The following LRIG3 variants were observed in gnomAD, a reference collection of about 807,000 sequenced individuals.
LRIG3 encodes leucine-rich repeats and immunoglobulin-like domains protein 3.
Under a neutral mutation model 114.5 loss-of-function variants are expected in LRIG3, and 76 were observed. That is an observed-to-expected ratio of 0.66 (90% CI 0.55 to 0.80). LRIG3 has a LOEUF of 0.80. Among genes scored for constraint, LRIG3 ranks in the 30% least tolerant of loss-of-function variants. The pLI is 0.00. For synonymous variants in LRIG3, 512 were observed against 519.8 expected (o/e 0.98, Z 0.20); for missense variants, 1,239 against 1,382.8 (o/e 0.90, Z 1.65).
chr12:58,886,679 A>C (rs1871285685), intron 9 of LRIG3, 131 bp downstream of exon 9: 1 of 665,672 alleles, frequency 1.5e-6, no homozygotes, highest in East Asian at 2.7e-5. Flanking sequence ...TGGGGAGAGG[A>C]TCAAGGGTGG....
At position 58,874,258 on chromosome 12, in the gene LRIG3, T is replaced by C. The variant is rs1870835652; in HGVS notation, c.2912A>G (p.Tyr971Cys). 6.2e-7 allele frequency: 1 copy of C among 1,613,976 alleles called. No individual in the cohort carries two copies. Among genetic ancestry groups the C allele is most frequent in the African/African-American group, 1.3e-5 (1 of 74,904 alleles). The change falls in exon 18 of 19, where the codon TAC becomes TGC. Residue 971 changes from tyrosine to cysteine, a missense_variant. Transcript: ENST00000320743. The part of the protein sequence containing the change: ...EPSYIKKKEC[Y>C]PCSHPSEESC... ...TTCTTCTGAAGGATGAGAACATGGGTAGCACTCCTTTTTCTTTATGTAACT... is the reference window on the plus strand; with the variant it reads ...TTCTTCTGAAGGATGAGAACATGGGCAGCACTCCTTTTTCTTTATGTAACT...
rs766408509 is a variant in LRIG3, at chr12:58,872,797, G to A, written c.3135C>T (p.Leu1045=). 6.2e-7 allele frequency: 1 copy of A among 1,612,664 alleles called. No homozygotes were observed. The highest frequency in any genetic ancestry group is 8.5e-7 in the Non-Finnish European group (1 of 1,179,028). Residue 1045 remains leucine (L), a synonymous_variant, in exon 19 of 19, where the codon CTC becomes CTT. Transcript: ENST00000320743. ...AATAGGCATCTAGGTGAGGTCTCCT[G>A]AGAGCTTTTCCAAAGGTACCTGAAA... The part of the protein sequence containing the change: ...NSFMGTFGKA[L]RRPHLDAYSS...
intron 1 of LRIG3, 62 bp downstream of exon 1, chr12:58,919,938 G>A (rs1294199884): frequency 6.9e-6 from 10 of 1,459,080 alleles, no homozygotes; most frequent in Non-Finnish European, 8.4e-6. Flanking sequence ...TTCCCCGCCG[G>A]CTCCTGTTTT....
intron 10 of LRIG3, 105 bp from the exon 11 acceptor site, chr12:58,883,696 T>C: frequency 1.5e-6 from 1 of 648,472 alleles, no homozygotes. Context: ...AAACAAATAC[T>C]CCCTCTATGT....
At position 58,895,837 on chromosome 12, in the gene LRIG3, G is replaced by T. The variant is rs141364631; in HGVS notation, c.384-5041C>A. 8.9e-4 allele frequency among the ~76,000 whole-genome samples: 136 copies of T among 152,230 alleles called. 1 individual carries two copies. The highest frequency in any genetic ancestry group is 3.4e-3 in the Middle Eastern group (1 of 294). ...TGACGAGCGACCTTGATGCCCACTT[G>T]GGGGGCGAAACATCACACTTCCTCT... On this transcript the variant is annotated intron_variant, in intron 3 of 18. Transcript: ENST00000320743.
chr12:58,883,703 A>C, intron 10 of LRIG3, 112 bp from the exon 11 acceptor site: 1 of 585,080 alleles, frequency 1.7e-6, no homozygotes, highest in Non-Finnish European at 2.9e-6. Flanking sequence ...TACTCCCTCT[A>C]TGTGTCAAAT....
At chr12:58,910,325 C>T (rs941546352) in intron 3 of LRIG3, among the ~76,000 whole-genome samples, 3 of 152,134 alleles carry the variant, frequency 2.0e-5, no homozygotes, top group African/African-American at 4.8e-5. Flanking sequence ...TAACCAGCAC[C>T]CTGGCAGGGC....
At chr12:58,901,586 C>T (rs1871850741) in intron 3 of LRIG3, among the ~76,000 whole-genome samples, 1 of 152,162 alleles carries the variant, frequency 6.6e-6, no homozygotes, top group African/African-American at 2.4e-5. Flanking sequence ...CAGAACATTT[C>T]CATCACTGCA....
chr12:58,906,777 A>G (rs538676991), intron 3 of LRIG3, among the ~76,000 whole-genome samples: 17 of 152,294 alleles, frequency 1.1e-4, no homozygotes, highest in South Asian at 8.3e-4. Flanking sequence ...TCAATGGAAA[A>G]GAGGCATTTG....
chr12:58,875,855 C>T (rs1017872305), intron 16 of LRIG3, among the ~76,000 whole-genome samples: 1 of 152,182 alleles, frequency 6.6e-6, no homozygotes, highest in African/African-American at 2.4e-5. Context: ...GCCTGGCCAA[C>T]ATGGCAAAAC....
chr12:58,912,434 T>C (rs186793658), intron 3 of LRIG3, among the ~76,000 whole-genome samples: 24 of 152,120 alleles, frequency 1.6e-4, no homozygotes, highest in African/African-American at 5.1e-4. Flanking sequence ...AGGCGGAGCT[T>C]ACAGTGAGCC....
At chr12:58,886,931 A>G in intron 8 of LRIG3, 41 bp from the exon 9 acceptor site, 1 of 1,536,554 alleles carries the variant, frequency 6.5e-7, no homozygotes, top group Non-Finnish European at 9.0e-7. Flanking sequence ...TGATAAGCTC[A>G]GAAAGCCTAG....
chr12:58,878,121 AG>A (rs960862933), intron 14 of LRIG3, among the ~76,000 whole-genome samples: 2 of 152,060 alleles, frequency 1.3e-5, no homozygotes, highest in Admixed American at 6.6e-5. Context: ...AGCTGGTAGT[AG>A]GGGGGGAGAG....
chr12:58,879,492 T>G (rs931685771), intron 13 of LRIG3, among the ~76,000 whole-genome samples: 6 of 152,176 alleles, frequency 3.9e-5, no homozygotes, highest in Non-Finnish European at 8.8e-5. Context: ...TCCTGGTAGC[T>G]CTAACATTCT....
At chr12:58,893,972 T>TGGGGAGGC (rs1871545919) in intron 3 of LRIG3, among the ~76,000 whole-genome samples, 1 of 151,704 alleles carries the variant, frequency 6.6e-6, no homozygotes. Flanking sequence ...TAGTTGGGGG[T>TGGGGAGGC]GGGGAGGCAG....
At position 58,872,573 on chromosome 12, in the gene LRIG3, T is replaced by A; in HGVS notation, c.3359A>T (p.Ter1120LeuextTer3). 2.5e-6 allele frequency: 4 copies of A among 1,611,108 alleles called. No homozygotes were observed. Among genetic ancestry groups the A allele is most frequent in the African/African-American group, 1.3e-5 (1 of 74,854 alleles). ...GCTTTTCCTTTGGTCTCATTCAGTC[T>A]ATGTGTCCAAGTCATAAGACTGAAA... ...PNFQSYDLDT[*>L] The change falls in exon 19 of 19, where the codon TAG (stop) becomes TTG (leucine). Residue 1120 changes from the stop codon to leucine, a stop_lost. Coordinates refer to ENST00000320743, the MANE Select transcript of LRIG3 (RefSeq NM_153377.5).
chr12:58,917,460 T>C (rs912386388), intron 1 of LRIG3, among the ~76,000 whole-genome samples: 1 of 152,214 alleles, frequency 6.6e-6, no homozygotes, highest in Admixed American at 6.5e-5. Flanking sequence ...GCGTAGTTAC[T>C]GGGTTGTTTT....
chr12:58,919,424 T>TGG lies in LRIG3; in HGVS notation c.236+575_236+576insCC, dbSNP rs1565626432. On this transcript the variant is annotated intron_variant, in intron 1 of 18. Transcript: ENST00000320743. The stretch of plus-strand genomic sequence containing the variant: ...ACAATCTGGTTGAGGAGTGGGAACT[T>TGG]ACGGTCTGCTAATGTGAAAAAGCAA... The TGG allele has an allele frequency of 3.2e-6, 5 of 1,551,582 alleles. No individual in the cohort carries two copies. The South Asian group carries it at 5.9e-5, about 18-fold the overall frequency.
At chr12:58,896,849 A>C (rs540709994) in intron 3 of LRIG3, among the ~76,000 whole-genome samples, 164 of 152,342 alleles carry the variant, frequency 1.1e-3, no homozygotes, top group Non-Finnish European at 1.9e-3. Flanking sequence ...GCCCCAAGGA[A>C]ATACTAATTT....
Sources: gnomAD v4.1 joint callset for allele counts (sites outside exome capture counted in the v4.1 genomes callset) on GRCh38, gnomAD v4.1.1 for gene constraint, MANE v1.5 for transcripts, NCBI Gene and HGNC (gene_info 2026-07-23, HGNC 2026-07-21) for gene names.